SLC38A2: variants seen among roughly 807,000 people sequenced by gnomAD.
SLC38A2 encodes the protein solute carrier family 38 member 2, also known as sodium-coupled neutral amino acid symporter 2.
In SLC38A2, 11 loss-of-function variants were observed where a neutral mutation model predicts 61.5. The observed-to-expected ratio is 0.18, with a 90% CI of 0.11 to 0.30. The LOEUF (loss-of-function observed/expected upper bound fraction) is 0.30, where lower values mean the gene tolerates loss of function less well. Among genes scored for constraint, SLC38A2 ranks in the 10% least tolerant of loss-of-function variants. The pLI is 1.00. For missense variants in SLC38A2, 522 were observed against 600.4 expected (o/e 0.87, Z 1.36); for synonymous variants, 217 against 212.5 (o/e 1.02, Z -0.18).
At position 46,362,931 on chromosome 12, in the gene SLC38A2, G is replaced by A. The variant is rs567215108; in HGVS notation, c.1179+90C>T. The A allele has an allele frequency of 4.4e-5, 67 of 1,512,802 alleles. No homozygotes were observed. In the African/African-American group the frequency reaches 8.3e-4, roughly 19 times the overall value. The allele number at this position is 1,512,802 out of a possible 1,614,324, so 93.7% of individuals were successfully genotyped here. A position where few individuals can be genotyped will look rare whatever the true frequency, so the allele number is the denominator to read the frequency against. On this transcript the variant is annotated intron_variant, in intron 13 of 15. Coordinates refer to ENST00000256689, the MANE Select transcript of SLC38A2 (RefSeq NM_018976.5). ...ACCAACTTAGTATTGTTCTACTGGT[G>A]TTTCCCTTCTTCCAGAAGATGAAAA...
At position 46,371,330 on chromosome 12, in the gene SLC38A2, G is replaced by A. The variant is rs766315730; in HGVS notation, c.-37C>T. ...GGAGGAATCGGGTGCAGCTAGTAGC[G>A]CTGGGCTCCTTTTGTCCTTGGCGGT... On this transcript the variant is annotated 5_prime_UTR_variant, in exon 2 of 16. Transcript: ENST00000256689. 71 of 1,547,174 alleles carry A rather than the reference G, an allele frequency of 4.6e-5. No homozygotes were observed. The highest frequency in any genetic ancestry group is 5.5e-5 in the Non-Finnish European group (62 of 1,120,090).
chr12:46,369,840 G>T (rs1429980243), intron 4 of SLC38A2, among the ~76,000 whole-genome samples: 1 of 152,132 alleles, frequency 6.6e-6, no homozygotes. Context: ...GGAAAGCACA[G>T]AAGTAATTAA....
intron 4 of SLC38A2, among the ~76,000 whole-genome samples, chr12:46,368,563 T>C (rs1304394095): frequency 1.3e-5 from 2 of 152,156 alleles, no homozygotes; most frequent in African/African-American, 4.8e-5. Context: ...GGGAAACTCA[T>C]AGAAAACCTT....
chr12:46,362,109 T>C (rs1943087746), intron 15 of SLC38A2, 175 bp downstream of exon 15: 1 of 546,812 alleles, frequency 1.8e-6, no homozygotes, highest in Non-Finnish European at 3.2e-6. Context: ...GATGGCAAAC[T>C]ATCTTTCCCC....
In SLC38A2 at chr12:46,365,175, T is replaced by C; in HGVS notation, c.578A>G (p.Asn193Ser). 1 of 1,613,300 alleles carries C rather than the reference T, an allele frequency of 6.2e-7. No individual in the cohort carries two copies. The highest frequency in any genetic ancestry group is 1.1e-5 in the South Asian group (1 of 91,046). The change falls in exon 8 of 16, where the codon AAC becomes AGC. Residue 193 changes from asparagine (N) to serine (S), a missense_variant. Physicochemically the swap from Asn to Ser is conservative, Grantham distance 46 (BLOSUM62 1). Transcript: ENST00000256689. ...CACCAACAGAACCAAATAGTTCCCG[T>C]TCAGATACCACAATCTAAAGAAAAC... ...IEDKTGLWYL[N>S]GNYLVLLVSL...
At chr12:46,363,463 TATG>T (rs1343993282) in intron 12 of SLC38A2, among the ~76,000 whole-genome samples, 4 of 152,012 alleles carry the variant, frequency 2.6e-5, no homozygotes, top group African/African-American at 9.7e-5. Flanking sequence ...AGACAGGCAA[TATG>T]AACTCAGAGG....
At chr12:46,367,442 C>G in intron 4 of SLC38A2, 102 bp from the exon 5 acceptor site, 1 of 719,500 alleles carries the variant, frequency 1.4e-6, no homozygotes, top group Non-Finnish European at 2.5e-6. Context: ...GCAACTTGTC[C>G]TATTTGTGTC....
rs763970010 is a variant in SLC38A2, at chr12:46,364,566, T to C, written c.706-10A>G. 14 of 1,600,454 alleles carry C rather than the reference T, an allele frequency of 8.7e-6. No individual in the cohort carries two copies. Among genetic ancestry groups the C allele is most frequent in the Non-Finnish European group, 1.1e-5 (13 of 1,176,014 alleles). On this transcript the variant is annotated splice_polypyrimidine_tract_variant and intron_variant, in intron 9 of 15. Coordinates refer to ENST00000256689, the MANE Select transcript of SLC38A2 (RefSeq NM_018976.5). ...ATTTCTTGCAAATGACCTAAAAATA[T>C]ATTATTTTGCATGTGTTAAACTAAG...
At chr12:46,363,336 CCA>C (rs2120533100) in intron 12 of SLC38A2, among the ~76,000 whole-genome samples, 191 bp from the exon 13 acceptor site, 1 of 152,096 alleles carries the variant, frequency 6.6e-6, no homozygotes, top group Non-Finnish European at 1.5e-5. Flanking sequence ...TTTCTAAATA[CCA>C]CAGAGATTTA....
chr12:46,370,620 C>T lies in SLC38A2; in HGVS notation c.206G>A (p.Gly69Asp). The T allele has an allele frequency of 6.2e-7, 1 of 1,611,808 alleles. No individual in the cohort carries two copies. Among genetic ancestry groups the T allele is most frequent in the Non-Finnish European group, 8.5e-7 (1 of 1,177,896 alleles). Residue 69 changes from glycine to aspartate, a missense_variant, in exon 4 of 16, where the codon GGT (glycine) becomes GAT (aspartate). Transcript: ENST00000256689. Reference sequence around the variant, plus strand: ...TACTGACATTCCAAAGGAAGTAGTACCTGGATGCTACATAGAGGGAAAACG... The same window carrying T: ...TACTGACATTCCAAAGGAAGTAGTATCTGGATGCTACATAGAGGGAAAACG... ...KKKYETEFHP[G>D]TTSFGMSVFN... is the part of the protein sequence containing the mutation.
intron 11 of SLC38A2, 40 bp downstream of exon 11, chr12:46,363,884 C>G (rs1943110573): frequency 6.3e-7 from 1 of 1,594,078 alleles, no homozygotes; most frequent in East Asian, 2.2e-5. Context: ...CAGCAATTGT[C>G]TAATATTTTC....
At position 46,371,399 on chromosome 12, in the gene SLC38A2, G is replaced by GC; in HGVS notation, c.-86-21dup. ...GTCGGCCTGCGAAAGTAGAGGCGGCGCGTCAGGACCGCAGCGCCAGCCCGC... is the reference window on the plus strand; with the variant it reads ...GTCGGCCTGCGAAAGTAGAGGCGGCGCCGTCAGGACCGCAGCGCCAGCCCGC... On this transcript the variant is annotated intron_variant, in intron 1 of 15. Transcript: ENST00000256689. 1.2e-6 allele frequency: 1 copy of GC among 867,354 alleles called. No homozygotes were observed. Among genetic ancestry groups the GC allele is most frequent in the Non-Finnish European group, 1.8e-6 (1 of 545,632 alleles). The allele number at this position is 867,354 out of a possible 1,614,324, so 53.7% of individuals were successfully genotyped here. A position where few individuals can be genotyped will look rare whatever the true frequency, so the allele number is the denominator to read the frequency against.
chr12:46,361,390 A>G (rs918710773), intron 15 of SLC38A2, among the ~76,000 whole-genome samples, 181 bp from the exon 16 acceptor site: 3 of 152,226 alleles, frequency 2.0e-5, no homozygotes, highest in Non-Finnish European at 4.4e-5. Flanking sequence ...GCAGTACACA[A>G]TAACTACCTT....
intron 15 of SLC38A2, 117 bp from the exon 16 acceptor site, chr12:46,361,326 G>A: frequency 4.9e-6 from 4 of 821,064 alleles, no homozygotes; most frequent in East Asian, 2.7e-5. Context: ...ATAATCTATA[G>A]AAAGAATATT....
At chr12:46,371,836 G>T (rs1943206113) in intron 1 of SLC38A2, among the ~76,000 whole-genome samples, 1 of 152,158 alleles carries the variant, frequency 6.6e-6, no homozygotes, top group African/African-American at 2.4e-5. Context: ...ACTGCCCGGA[G>T]TCCCCACACG....
At position 46,362,427 on chromosome 12, in the gene SLC38A2, G is replaced by A. The variant is rs113934570; in HGVS notation, c.1325-46C>T. On this transcript the variant is annotated intron_variant, in intron 14 of 15. Coordinates refer to ENST00000256689, the MANE Select transcript of SLC38A2 (RefSeq NM_018976.5). ...TTCTTGAGGATTCAATGAACCACTC[G>A]TCATTCATTCTTTAAATCTTAAAAT... 473 of 1,596,662 alleles carry A rather than the reference G, an allele frequency of 3.0e-4. 3 individuals carry two copies. In the African/African-American group the frequency reaches 5.0e-3, roughly 17 times the overall value.
Position 46,367,075 on chromosome 12 carries a change from C to A in SLC38A2, c.481+1G>T. On this transcript the variant is annotated splice_donor_variant, in intron 6 of 15. Coordinates refer to ENST00000256689, the MANE Select transcript of SLC38A2 (RefSeq NM_018976.5). LOFTEE classifies it high-confidence loss of function. The stretch of plus-strand genomic sequence containing the variant: ...CAAATAATCTTTTGAAAAATTCTTA[C>A]CTCCAATGTTCTGCATTGTAATTGA... The A allele has an allele frequency of 1.2e-6, 2 of 1,613,596 alleles. No homozygotes were observed. The highest frequency in any genetic ancestry group is 1.7e-6 in the Non-Finnish European group (2 of 1,179,628).
At chr12:46,363,663 T>C (rs1233264364) in intron 12 of SLC38A2, 63 bp downstream of exon 12, 2 of 1,052,426 alleles carry the variant, frequency 1.9e-6, no homozygotes, top group Non-Finnish European at 1.4e-6. Context: ...AACTAGCAGC[T>C]TCATTTCAAT....
intron 2 of SLC38A2, 100 bp from the exon 3 acceptor site, chr12:46,370,957 T>C: frequency 1.1e-6 from 1 of 934,542 alleles, no homozygotes; most frequent in Non-Finnish European, 1.7e-6. Context: ...ACAGCATAGC[T>C]CTGATACAAC....
Sources: allele counts gnomAD v4.1 joint callset (sites outside exome capture counted in the v4.1 genomes callset), GRCh38; gene constraint gnomAD v4.1.1; transcripts MANE v1.5; gene names NCBI Gene and HGNC (gene_info 2026-07-23, HGNC 2026-07-21).